Variants in DISC1 observed in about 807,000 individuals in gnomAD.
DISC1 encodes the protein disrupted in schizophrenia 1 protein.
DISC1 carries 57 observed loss-of-function variants against 84.5 expected under a neutral mutation model. The observed-to-expected ratio is 0.67, with a 90% CI of 0.55 to 0.84. The LOEUF is 0.84. DISC1 is among the 40% of genes least tolerant of loss of function. The pLI is 0.00. For synonymous variants in DISC1, 411 were observed against 415.2 expected (o/e 0.99, Z 0.12); for missense variants, 1,000 against 1,057.8 (o/e 0.95, Z 0.76).
intron 1 of DISC1, among the ~76,000 whole-genome samples, chr1:231,640,256 C>T (rs1459807366): frequency 1.3e-5 from 2 of 152,176 alleles, no homozygotes; most frequent in Non-Finnish European, 2.9e-5. Flanking sequence ...GTACTGCCTC[C>T]GTTTCTTGAG....
chr1:231,821,972 A>G (rs758000742), intron 9 of DISC1, among the ~76,000 whole-genome samples: 20 of 152,248 alleles, frequency 1.3e-4, no homozygotes, highest in Non-Finnish European at 2.4e-4. Context: ...AAGTGCTGGA[A>G]TTACAAGCGT....
At chr1:231,962,268 T>A (rs1660492461) in intron 10 of DISC1, among the ~76,000 whole-genome samples, 1 of 152,238 alleles carries the variant, frequency 6.6e-6, no homozygotes, top group Admixed American at 6.5e-5. Context: ...CCTTATGGAT[T>A]CTGGATATTA....
chr1:232,021,769 G>A (rs559160097), intron 11 of DISC1, among the ~76,000 whole-genome samples: 8 of 152,274 alleles, frequency 5.3e-5, no homozygotes, highest in South Asian at 2.1e-4. Flanking sequence ...TATGATATTC[G>A]TGGATCTGTA....
In DISC1 at chr1:232,031,326, GAAAGGA is replaced by G. The variant is rs147764269; in HGVS notation, c.2425+4785_2425+4790del. On this transcript the variant is annotated intron_variant, in intron 12 of 12. Coordinates refer to ENST00000439617, the MANE Select transcript of DISC1 (RefSeq NM_018662.3). The surrounding 1 kb of genome is among the most constrained non-coding windows in gnomAD (Gnocchi z 4.6). The stretch of plus-strand genomic sequence containing the variant: ...AAGGAGAGAGGGAAGGAGAGAAAAG[GAAAGGA>G]AAAGGAAAAGAGGAAAGAAAAGGAA... 6.7e-5 allele frequency among the ~76,000 whole-genome samples: 10 copies of G among 148,220 alleles called. No individual in the cohort carries two copies. Among genetic ancestry groups the G allele is most frequent in the African/African-American group, 2.2e-4 (9 of 40,038 alleles).
intron 4 of DISC1, among the ~76,000 whole-genome samples, chr1:231,759,526 CAAAAAAAAAA>C (rs767431903): frequency 2.1e-5 from 1 of 48,298 alleles, no homozygotes; most frequent in African/African-American, 9.1e-5. Flanking sequence ...CCCATCTCTA[CAAAAAAAAAA>C]AAAAAAAAAA....
intron 9 of DISC1, among the ~76,000 whole-genome samples, chr1:231,900,278 T>G (rs1318424678): frequency 6.6e-6 from 1 of 152,200 alleles, no homozygotes; most frequent in Admixed American, 6.5e-5. Context: ...CTAGCGCACA[T>G]TCCCCGTTCA....
In DISC1 at chr1:232,008,816, G is replaced by A. The variant is rs1441607202; in HGVS notation, c.2074G>A (p.Glu692Lys). ...CKCPLLGKVW[E>K]ADLEACRLLI... ...GTGTCCACTGCTTGGGAAAGTGTGG[G>A]AAGCTGACTTGGAAGCTTGTCGATT... The change falls in exon 11 of 13, where the codon GAA becomes AAA. Residue 692 changes from glutamate to lysine, a missense_variant. Coordinates refer to ENST00000439617, the MANE Select transcript of DISC1 (RefSeq NM_018662.3). 1.9e-6 allele frequency: 3 copies of A among 1,592,248 alleles called. No individual in the cohort carries two copies. In the South Asian group the frequency reaches 3.4e-5, roughly 18 times the overall value.
intron 9 of DISC1, among the ~76,000 whole-genome samples, chr1:231,933,773 G>A (rs1469495069): frequency 2.6e-5 from 4 of 152,100 alleles, no homozygotes. Context: ...GTTAAGTAGG[G>A]GTATAATTAC....
intron 1 of DISC1, among the ~76,000 whole-genome samples, chr1:231,692,341 C>T (rs2065143348): frequency 6.6e-6 from 1 of 152,200 alleles, no homozygotes; most frequent in African/African-American, 2.4e-5. Flanking sequence ...TGGAGCTCCC[C>T]GCAATTGGCA....
At chr1:231,963,688 C>T (rs191242297) in intron 10 of DISC1, among the ~76,000 whole-genome samples, 10 of 152,254 alleles carry the variant, frequency 6.6e-5, no homozygotes, top group East Asian at 5.8e-4. Context: ...CAGGACAAGC[C>T]GCAGACAAAA....
At chr1:231,723,105 A>G in intron 3 of DISC1, 1 of 991,368 alleles carries the variant, frequency 1.0e-6, no homozygotes, top group African/African-American at 1.7e-5. Context: ...GGATACAGAA[A>G]TCCACGTGTA....
At chr1:231,871,075 G>A (rs2085424226) in intron 9 of DISC1, among the ~76,000 whole-genome samples, 1 of 152,164 alleles carries the variant, frequency 6.6e-6, no homozygotes, top group Admixed American at 6.5e-5. Context: ...GATACTGTGT[G>A]CGGGTCTCCA....
At chr1:231,655,253 C>G (rs930323740) in intron 1 of DISC1, among the ~76,000 whole-genome samples, 1 of 152,146 alleles carries the variant, frequency 6.6e-6, no homozygotes, top group Non-Finnish European at 1.5e-5. Flanking sequence ...CCCTCCCACA[C>G]TCCCCTATTC....
intron 6 of DISC1, among the ~76,000 whole-genome samples, chr1:231,783,741 T>C (rs2077607835): frequency 6.6e-6 from 1 of 152,204 alleles, no homozygotes; most frequent in Admixed American, 6.5e-5. Context: ...GTGTGTGTGC[T>C]ACCTTACTCA....
intron 9 of DISC1, among the ~76,000 whole-genome samples, chr1:231,886,003 C>T (rs2086653854): frequency 6.6e-6 from 1 of 152,176 alleles, no homozygotes; most frequent in African/African-American, 2.4e-5. Flanking sequence ...AACAGAAGGC[C>T]TCTTGCTGCA....
intron 1 of DISC1, among the ~76,000 whole-genome samples, chr1:231,641,260 G>A (rs1317541465): frequency 6.6e-6 from 1 of 152,214 alleles, no homozygotes; most frequent in Non-Finnish European, 1.5e-5. Context: ...AGTTCTTAAA[G>A]GCGGCGTGTC....
intron 1 of DISC1, among the ~76,000 whole-genome samples, chr1:231,692,216 CCCTT>C (rs2065124877): frequency 6.6e-6 from 1 of 152,152 alleles, no homozygotes; most frequent in Non-Finnish European, 1.5e-5. Flanking sequence ...TTAAATGCCT[CCCTT>C]CCTTTCTTTA....
At chr1:231,950,202 T>TTTGTGTG (rs1026268258) in intron 9 of DISC1, among the ~76,000 whole-genome samples, 6 of 91,644 alleles carry the variant, frequency 6.5e-5, no homozygotes, top group Non-Finnish European at 1.3e-4. Flanking sequence ...TGAAAAAAAA[T>TTTGTGTG]TCTGTGTGTG....
intron 8 of DISC1, among the ~76,000 whole-genome samples, chr1:231,803,896 C>G (rs2093548): frequency 0.87 from 128,834 of 148,308 alleles, 55,984 homozygotes; most frequent in South Asian, 0.92. Flanking sequence ...GCGGTGAGCC[C>G]ATATCGCGCC....
Sources: gnomAD v4.1 joint callset for allele counts (sites outside exome capture counted in the v4.1 genomes callset) on GRCh38, gnomAD v4.1.1 for gene constraint, Gnocchi (gnomAD v3.1) non-coding constraint, MANE v1.5 for transcripts, NCBI Gene and HGNC (gene_info 2026-07-23, HGNC 2026-07-21) for gene names.